The following PCSK4 variants were observed in gnomAD, a reference collection of about 807,000 sequenced individuals.
PCSK4 encodes the protein testicular tissue protein Li 135.
PCSK4 carries 64 observed loss-of-function variants against 80.3 expected under a neutral mutation model. The ratio of observed to expected loss-of-function variants is 0.80; its 90% CI spans 0.65 to 0.98. PCSK4 has a LOEUF of 0.98. PCSK4 is among the 50% of genes least tolerant of loss of function. The pLI is 0.00. For missense variants in PCSK4, 1,213 were observed against 1,093.6 expected (o/e 1.11, Z -1.54); for synonymous variants, 561 against 487.6 (o/e 1.15, Z -1.98).
At chr19:1,483,253 G>A (rs1320923273) in intron 12 of PCSK4, 31 bp downstream of exon 12, 1 of 1,519,778 alleles carries the variant, frequency 6.6e-7, no homozygotes, top group Non-Finnish European at 8.8e-7. Context: ...CAGGGCATGA[G>A]GCCGCCCCCT....
rs892581535 is a variant in PCSK4, at chr19:1,487,701, G to A, written c.594-10C>T. 2 of 1,552,286 alleles carry A rather than the reference G, an allele frequency of 1.3e-6. No homozygotes were observed. Among genetic ancestry groups the A allele is most frequent in the Non-Finnish European group, 1.7e-6 (2 of 1,147,942 alleles). On this transcript the variant is annotated splice_polypyrimidine_tract_variant and intron_variant, in intron 5 of 14. Coordinates refer to ENST00000300954, the Ensembl canonical transcript of PCSK4. ...ACAGCGGGTCCCGTGCCTGGTGCCAGGGCCAAGAGGGGCTCCTGTCACGGC... is the reference window on the plus strand; with the variant it reads ...ACAGCGGGTCCCGTGCCTGGTGCCAAGGCCAAGAGGGGCTCCTGTCACGGC...
chr19:1,483,723 C>A (rs760589549), exon 11 of PCSK4: 1 of 1,595,598 alleles, frequency 6.3e-7, no homozygotes. Context: ...GCGGTGTCCA[C>A]CAGCAGCCCG....
rs771588839 is a variant in PCSK4, at chr19:1,483,779, G to A, written c.1274-12C>T. 1.1e-5 allele frequency: 18 copies of A among 1,568,506 alleles called. No homozygotes were observed. The highest frequency in any genetic ancestry group is 1.5e-5 in the Non-Finnish European group (18 of 1,165,910). On this transcript the variant is annotated splice_polypyrimidine_tract_variant and intron_variant, in intron 10 of 14. Transcript: ENST00000300954. ...GTAGTGATGGCTCACTGCGCGGAAG[G>A]GCAGCAGTCACTCGCCCCGTGGGCC...
intron 6 of PCSK4, 53 bp downstream of exon 6, chr19:1,487,550 T>C: frequency 6.9e-7 from 1 of 1,450,612 alleles, no homozygotes; most frequent in Non-Finnish European, 9.4e-7. Flanking sequence ...CCCGCCAGAG[T>C]CACCCCCTTC....
chr19:1,489,918 C>G, intron 1 of PCSK4, 21 bp from the exon 2 acceptor site: 1 of 1,587,808 alleles, frequency 6.3e-7, no homozygotes, highest in Non-Finnish European at 8.6e-7. Flanking sequence ...GGGGAAGCGG[C>G]CGCACCGATG....
chr19:1,483,454 C>T (rs1271793130), exon 12 of PCSK4: 2 of 1,589,166 alleles, frequency 1.3e-6, no homozygotes, highest in Non-Finnish European at 1.7e-6. Context: ...AGATCAGCGG[C>T]AGGATGGGGC....
intron 1 of PCSK4, 104 bp downstream of exon 1, chr19:1,490,054 C>G (rs2084861630): frequency 1.3e-6 from 2 of 1,527,462 alleles, no homozygotes; most frequent in East Asian, 2.5e-5. Flanking sequence ...GGCTGGGACT[C>G]TTGATATTTA....
chr19:1,483,143 G>C, intron 12 of PCSK4, 123 bp from the exon 13 acceptor site: 1 of 1,236,806 alleles, frequency 8.1e-7, no homozygotes, highest in Non-Finnish European at 1.1e-6. Flanking sequence ...GTGTGGGTGA[G>C]GGTGTGACTC....
exon 15 of PCSK4, chr19:1,482,067 C>A: frequency 6.4e-7 from 1 of 1,555,048 alleles, no homozygotes; most frequent in Non-Finnish European, 8.7e-7. Flanking sequence ...TAGCAGGAGG[C>A]ATGGCAGCTG....
chr19:1,487,501 C>G, intron 6 of PCSK4, 102 bp downstream of exon 6: 1 of 1,095,026 alleles, frequency 9.1e-7, no homozygotes, highest in Non-Finnish European at 1.3e-6. Flanking sequence ...CACCACCCAG[C>G]AGTGAGAGGG....
At chr19:1,487,661 G>A (rs747159362) in exon 6 of PCSK4, 11 of 1,555,206 alleles carry the variant, frequency 7.1e-6, no homozygotes, top group South Asian at 3.6e-5. Context: ...TGGCCATCGC[G>A]GCCACCTCCC....
At chr19:1,488,742 G>A (rs750630721) in intron 2 of PCSK4, among the ~76,000 whole-genome samples, 3 of 151,978 alleles carry the variant, frequency 2.0e-5, no homozygotes, top group East Asian at 1.9e-4. Flanking sequence ...CACCATGCCC[G>A]GCTAATTTTT....
chr19:1,484,086 C>T (rs1043388174), exon 9 of PCSK4: 18 of 1,566,820 alleles, frequency 1.1e-5, no homozygotes, highest in Admixed American at 1.1e-4. Flanking sequence ...CCGAGGTGCC[C>T]GTGTGCTGGT....
exon 12 of PCSK4, chr19:1,483,461 G>C (rs995470172): frequency 3.2e-6 from 5 of 1,586,366 alleles, no homozygotes; most frequent in Middle Eastern, 1.7e-4. Flanking sequence ...CGGCAGGATG[G>C]GGCTGAGGGG....
At chr19:1,490,225 T>G in exon 1 of PCSK4, 1 of 1,613,112 alleles carries the variant, frequency 6.2e-7, no homozygotes, top group Non-Finnish European at 8.5e-7. Context: ...CTGGGACACC[T>G]GGACGGCCCA....
chr19:1,481,960 G>T, exon 15 of PCSK4: 1 of 1,593,862 alleles, frequency 6.3e-7, no homozygotes, highest in East Asian at 2.3e-5. Context: ...GGCGGCTGTC[G>T]GGGGTGGTGG....
rs142821760 is a variant in PCSK4 at position 1,487,973 on chromosome 19, C to T, written c.507G>A (p.Trp169Ter). 2.5e-6 allele frequency: 4 copies of T among 1,611,622 alleles called. No homozygotes were observed. The highest frequency in any genetic ancestry group is 3.4e-6 in the Non-Finnish European group (4 of 1,178,584). Residue 169 changes from tryptophan to a stop codon, truncating the protein, a stop_gained, in exon 4 of 15, where the codon TGG (tryptophan) becomes TGA (stop). Transcript: ENST00000300954. LOFTEE classifies it high-confidence loss of function. ...CCACCCGCGGTCTCACGTAGTTGGC[C>T]CAGAGGTCCGGGTGGTCCTTCTCGA...
exon 15 of PCSK4, chr19:1,481,531 T>A: frequency 2.4e-6 from 1 of 416,552 alleles, no homozygotes; most frequent in South Asian, 9.2e-5. Flanking sequence ...GCTTTTGGGG[T>A]GCTCCAGCCT....
chr19:1,490,409 C>T, upstream of PCSK4: 1 of 648,114 alleles, frequency 1.5e-6, no homozygotes, highest in South Asian at 2.1e-5. Context: ...GCCGAGTGGG[C>T]CCAGGCGTCC....
Sources: allele counts gnomAD v4.1 joint callset (sites outside exome capture counted in the v4.1 genomes callset), GRCh38; gene constraint gnomAD v4.1.1; transcripts MANE v1.5; gene names NCBI Gene and HGNC (gene_info 2026-07-23, HGNC 2026-07-21).